AVL9: variants seen among roughly 807,000 people sequenced by gnomAD.
AVL9 encodes late secretory pathway protein AVL9 homolog.
In AVL9, 49 loss-of-function variants were observed where a neutral mutation model predicts 79.2. That is an observed-to-expected ratio of 0.62 (90% confidence interval 0.49 to 0.79). AVL9 has a LOEUF of 0.79. Ranked by LOEUF, AVL9 falls within the 30% of genes least tolerant of loss-of-function variation. The pLI, the probability that AVL9 is intolerant of heterozygous loss-of-function variation, is 0.00. For synonymous variants in AVL9, 299 were observed against 280.6 expected (o/e 1.07, Z -0.65); for missense variants, 682 against 776.8 (o/e 0.88, Z 1.45).
At chr7:32,567,115 GTTTT>G (rs1259773131) in intron 10 of AVL9, among the ~76,000 whole-genome samples, 1 of 151,990 alleles carries the variant, frequency 6.6e-6, no homozygotes, top group East Asian at 1.9e-4. Flanking sequence ...TTGTTTGTTT[GTTTT>G]TGAGATAGAG....
chr7:32,508,649 A>G (rs913861703), intron 1 of AVL9, among the ~76,000 whole-genome samples: 1 of 152,164 alleles, frequency 6.6e-6, no homozygotes, highest in African/African-American at 2.4e-5. Context: ...CCTGAAAATG[A>G]TTTTTTGAAT....
chr7:32,544,157 TTTGTC>T (rs1288137959), intron 2 of AVL9, among the ~76,000 whole-genome samples: 13 of 152,208 alleles, frequency 8.5e-5, no homozygotes, highest in African/African-American at 3.1e-4. Flanking sequence ...TGTGTATAAT[TTTGTC>T]TGTACTATCT....
intron 1 of AVL9, among the ~76,000 whole-genome samples, chr7:32,540,738 T>C (rs1366207681): frequency 6.6e-6 from 1 of 152,112 alleles, no homozygotes; most frequent in Non-Finnish European, 1.5e-5. Flanking sequence ...GTACCGTACA[T>C]TCCTACAGCC....
chr7:32,567,157 AGTG>A (rs1354779902), intron 10 of AVL9, among the ~76,000 whole-genome samples: 1 of 152,104 alleles, frequency 6.6e-6, no homozygotes, highest in Non-Finnish European at 1.5e-5. Flanking sequence ...GCTGGAGAGC[AGTG>A]GTGTGATCTC....
intron 3 of AVL9, 58 bp from the exon 4 acceptor site, chr7:32,548,789 A>G: frequency 8.1e-7 from 1 of 1,241,682 alleles, no homozygotes; most frequent in Non-Finnish European, 1.1e-6. Flanking sequence ...TGTTGAAAAA[A>G]TATTTTTGAA....
chr7:32,510,570 G>T (rs1392091088), intron 1 of AVL9, among the ~76,000 whole-genome samples: 5 of 143,260 alleles, frequency 3.5e-5, no homozygotes, highest in Admixed American at 6.9e-5. Context: ...TCCAGGGTAA[G>T]ATTTGTGAGC....
intron 1 of AVL9, chr7:32,538,138 C>T (rs787213): frequency 1.3e-5 from 2 of 151,922 alleles, no homozygotes; most frequent in Admixed American, 6.6e-5. Flanking sequence ...AGTAGAGTTG[C>T]GAATTCGGAG....
At chr7:32,495,949 T>TAAAA (rs1583469573) in intron 1 of AVL9, 147 bp downstream of exon 1, 1 of 459,652 alleles carries the variant, frequency 2.2e-6, no homozygotes, top group African/African-American at 2.0e-5. Flanking sequence ...TGACTCCTTT[T>TAAAA]GCAGCTCCTC....
Position 32,495,493 on chromosome 7 carries a change from C to G in AVL9, c.-217C>G, listed in dbSNP as rs1462737134. 1.5e-4 allele frequency: 57 copies of G among 383,108 alleles called. No homozygotes were observed. The East Asian group carries it at 2.1e-3, about 14-fold the overall frequency. The allele number at this position is 383,108 out of a possible 1,614,324, so 23.7% of individuals were successfully genotyped here. A position where few individuals can be genotyped will look rare whatever the true frequency, so the allele number is the denominator to read the frequency against. ...GCCTCGCCGGCGGCGGCCGCCGTGT[C>G]AGGTGACAGCCCGGAAGCTGCGGAA... On this transcript the variant is annotated 5_prime_UTR_variant, in exon 1 of 16. Transcript: ENST00000318709.
chr7:32,579,832 C>CTA (rs1791422079), intron 13 of AVL9, among the ~76,000 whole-genome samples: 1 of 150,530 alleles, frequency 6.6e-6, no homozygotes, highest in African/African-American at 2.4e-5. Context: ...AAGGTATGAT[C>CTA]TATGACCATG....
intron 10 of AVL9, among the ~76,000 whole-genome samples, chr7:32,560,291 A>G (rs1790277243): frequency 6.6e-6 from 1 of 151,658 alleles, no homozygotes; most frequent in African/African-American, 2.4e-5. Context: ...AAACTTAAAT[A>G]ATAATGTTAA....
At chr7:32,523,747 T>TC (rs1788281120) in intron 1 of AVL9, among the ~76,000 whole-genome samples, 1 of 147,996 alleles carries the variant, frequency 6.8e-6, no homozygotes, top group Non-Finnish European at 1.5e-5. Context: ...TTTTTTTTTT[T>TC]TTTTGAGACG....
chr7:32,563,598 C>T (rs1048715345), intron 10 of AVL9, among the ~76,000 whole-genome samples: 3 of 150,634 alleles, frequency 2.0e-5, no homozygotes, highest in African/African-American at 4.9e-5. Flanking sequence ...AGGCAGTCTA[C>T]CACCTTTTCA....
intron 12 of AVL9, among the ~76,000 whole-genome samples, chr7:32,573,776 T>G (rs1005002307): frequency 2.6e-5 from 4 of 152,232 alleles, no homozygotes; most frequent in Non-Finnish European, 4.4e-5. Context: ...TCATCAGTAT[T>G]TGGCAGCTGT....
intron 1 of AVL9, among the ~76,000 whole-genome samples, chr7:32,516,766 TAAAAAA>T (rs33970150): frequency 7.4e-6 from 1 of 134,378 alleles, no homozygotes; most frequent in Non-Finnish European, 1.5e-5. Flanking sequence ...CCTAGGCCTT[TAAAAAA>T]AAAAAAAAAA....
chr7:32,518,807 T>A (rs1788015479), intron 1 of AVL9, among the ~76,000 whole-genome samples: 1 of 152,196 alleles, frequency 6.6e-6, no homozygotes, highest in Non-Finnish European at 1.5e-5. Context: ...TTGACTATAA[T>A]GAAATTATAA....
At chr7:32,570,626 CTT>C (rs71559238) in intron 11 of AVL9, among the ~76,000 whole-genome samples, 8 of 144,702 alleles carry the variant, frequency 5.5e-5, no homozygotes, top group Admixed American at 1.4e-4. Flanking sequence ...AATCTTTTTT[CTT>C]TTTTTTTTTT....
chr7:32,550,681 G>A (rs1022573068), intron 4 of AVL9, among the ~76,000 whole-genome samples: 1 of 152,078 alleles, frequency 6.6e-6, no homozygotes, highest in African/African-American at 2.4e-5. Context: ...GAAAATGGTA[G>A]AAGATTCTAA....
In AVL9 at chr7:32,584,163, C is replaced by A. The variant is rs1365075054; in HGVS notation, c.*256C>A. 5 of 485,672 alleles carry A rather than the reference C, an allele frequency of 1.0e-5. No homozygotes were observed. Among genetic ancestry groups the A allele is most frequent in the Middle Eastern group, 5.9e-4 (1 of 1,706 alleles). 30.1% of individuals were successfully genotyped at this position (485,672 alleles called of 1,614,324 possible). On this transcript the variant is annotated 3_prime_UTR_variant, in exon 16 of 16. Coordinates refer to ENST00000318709, the MANE Select transcript of AVL9 (RefSeq NM_015060.3). Reference sequence around the variant, plus strand: ...GAGCCTGATTAAAACATACAGTGAACCTTCTAATGAATTTTGAGTTCTGAT... The same window carrying A: ...GAGCCTGATTAAAACATACAGTGAAACTTCTAATGAATTTTGAGTTCTGAT...
Sources: gnomAD v4.1 joint callset for allele counts (sites outside exome capture counted in the v4.1 genomes callset) on GRCh38, gnomAD v4.1.1 for gene constraint, MANE v1.5 for transcripts, NCBI Gene and HGNC (gene_info 2026-07-23, HGNC 2026-07-21) for gene names.